Variants in CFAP61 observed in about 807,000 individuals in gnomAD.
CFAP61 encodes the protein cilia and flagella associated protein 61.
Under a neutral mutation model 135.6 loss-of-function variants are expected in CFAP61, and 107 were observed. The observed-to-expected ratio is 0.79, with a 90% CI of 0.67 to 0.93. The LOEUF is 0.93. CFAP61 is among the 40% of genes least tolerant of loss of function. The probability of loss-of-function intolerance (pLI) is 0.00; values close to 1 mark genes in which losing one functional copy is unlikely to be tolerated. For synonymous variants in CFAP61, 575 were observed against 578.5 expected (o/e 0.99, Z 0.09); for missense variants, 1,507 against 1,556.2 (o/e 0.97, Z 0.53).
chr20:20,084,035 G>C (rs1385565669), intron 6 of CFAP61, among the ~76,000 whole-genome samples: 1 of 152,090 alleles, frequency 6.6e-6, no homozygotes, highest in African/African-American at 2.4e-5. Flanking sequence ...GAAAAAGGGT[G>C]CTTGGTTTTG....
At chr20:20,314,442 A>G (rs963541010) in intron 25 of CFAP61, among the ~76,000 whole-genome samples, 1 of 151,024 alleles carries the variant, frequency 6.6e-6, no homozygotes, top group Non-Finnish European at 1.5e-5. Flanking sequence ...AAAAGAAACC[A>G]TAAACCATAG....
intron 25 of CFAP61, chr20:20,322,680 A>G (rs1602013334): frequency 1.0e-6 from 1 of 985,284 alleles, no homozygotes; most frequent in Non-Finnish European, 1.2e-6. Flanking sequence ...AACAGTTACC[A>G]AGAAATGGGA....
In CFAP61 at chr20:20,288,894, C is replaced by T. The variant is rs558308771; in HGVS notation, c.3082C>T (p.Leu1028Phe). ...LEPVTEPPAN[L>F]DRLIPMYKGA... is the part of the protein sequence containing the mutation. ...GCCTGTGACCGAGCCACCAGCTAATCTTGACCGGCTCATCCCCATGTACAA... is the reference window on the plus strand; with the variant it reads ...GCCTGTGACCGAGCCACCAGCTAATTTTGACCGGCTCATCCCCATGTACAA... The change falls in exon 23 of 27, where the codon CTT becomes TTT. Residue 1028 changes from leucine to phenylalanine, a missense_variant. Physicochemically the swap from Leu to Phe is conservative, Grantham distance 22. Coordinates refer to ENST00000245957, the MANE Select transcript of CFAP61 (RefSeq NM_015585.4). 4 of 1,613,072 alleles carry T rather than the reference C, an allele frequency of 2.5e-6. No individual in the cohort carries two copies.
chr20:20,145,158 C>A (rs1289495526), intron 9 of CFAP61, among the ~76,000 whole-genome samples: 4 of 152,142 alleles, frequency 2.6e-5, no homozygotes, highest in East Asian at 1.9e-4. Context: ...ATATTTATAT[C>A]TTTTTAAAAG....
At chr20:20,329,409 C>A (rs771005683) in intron 25 of CFAP61, among the ~76,000 whole-genome samples, 1 of 152,190 alleles carries the variant, frequency 6.6e-6, no homozygotes, top group Non-Finnish European at 1.5e-5. Context: ...GAGCCAGGGC[C>A]TGGGAATATC....
chr20:20,292,403 A>C (rs1450582307), intron 24 of CFAP61, among the ~76,000 whole-genome samples: 1 of 152,228 alleles, frequency 6.6e-6, no homozygotes, highest in Non-Finnish European at 1.5e-5. Context: ...TCTTATAATA[A>C]AGGAAACCAT....
intron 21 of CFAP61, among the ~76,000 whole-genome samples, chr20:20,272,095 A>T (rs2053402890): frequency 6.6e-6 from 1 of 152,242 alleles, no homozygotes; most frequent in African/African-American, 2.4e-5. Context: ...GAAAATTAAA[A>T]TTTAAATAAA....
intron 7 of CFAP61, among the ~76,000 whole-genome samples, chr20:20,096,485 T>C (rs541711154): frequency 1.3e-5 from 2 of 152,396 alleles, no homozygotes; most frequent in Non-Finnish European, 2.9e-5. Context: ...GCCATTAGTG[T>C]AATAGCTCAT....
chr20:20,334,349 ACTC>A (rs571063337), intron 25 of CFAP61, among the ~76,000 whole-genome samples: 130 of 151,942 alleles, frequency 8.6e-4, no homozygotes, highest in African/African-American at 3.0e-3. Flanking sequence ...CTGGTCTCGA[ACTC>A]CTGACCTCAA....
chr20:20,281,178 C>T (rs1381524225), intron 22 of CFAP61, among the ~76,000 whole-genome samples: 1 of 152,126 alleles, frequency 6.6e-6, no homozygotes, highest in Non-Finnish European at 1.5e-5. Context: ...GGTCCATAAA[C>T]ATGTCATGCA....
At chr20:20,346,202 A>G (rs1225446256) in intron 26 of CFAP61, among the ~76,000 whole-genome samples, 8 of 140,130 alleles carry the variant, frequency 5.7e-5, no homozygotes, top group Non-Finnish European at 9.3e-5. Context: ...CGCCCGGCCG[A>G]TTGTGCCACT....
intron 24 of CFAP61, among the ~76,000 whole-genome samples, chr20:20,296,173 C>G: frequency 1.3e-5 from 1 of 74,408 alleles, no homozygotes; most frequent in East Asian, 4.3e-4. Flanking sequence ...TTCCTTCCTT[C>G]CCTCCTTTCC....
intron 21 of CFAP61, among the ~76,000 whole-genome samples, chr20:20,270,719 A>G (rs1241403841): frequency 6.8e-6 from 1 of 148,080 alleles, no homozygotes; most frequent in Non-Finnish European, 1.5e-5. Flanking sequence ...TGTCTCTGTC[A>G]CCCCCCAGTG....
intron 1 of CFAP61, among the ~76,000 whole-genome samples, chr20:20,054,013 G>GTTTTT (rs1239349657): frequency 9.1e-4 from 54 of 59,034 alleles, no homozygotes; most frequent in Non-Finnish European, 1.2e-3. Flanking sequence ...TTTTTTGTTT[G>GTTTTT]TTTTTTTTTT....
chr20:20,085,462 G>A (rs766781323), intron 6 of CFAP61: 5 of 1,366,314 alleles, frequency 3.7e-6, no homozygotes, highest in Non-Finnish European at 4.9e-6. Context: ...TTTGGGAAAG[G>A]GCTTAAGAGA....
chr20:20,301,507 T>G (rs1476942732), intron 25 of CFAP61, among the ~76,000 whole-genome samples: 3 of 152,214 alleles, frequency 2.0e-5, no homozygotes, highest in Non-Finnish European at 2.9e-5. Context: ...ATGAGAGAGC[T>G]CCTCTTGCTC....
At chr20:20,163,909 C>A in intron 10 of CFAP61, 141 bp from the exon 11 acceptor site, 1 of 560,576 alleles carries the variant, frequency 1.8e-6, no homozygotes, top group Non-Finnish European at 3.0e-6. Context: ...AAAACCAGGC[C>A]TGGCCCAGGA....
chr20:20,226,675 G>A (rs577409125), intron 17 of CFAP61, among the ~76,000 whole-genome samples: 2 of 152,256 alleles, frequency 1.3e-5, no homozygotes, highest in South Asian at 2.1e-4. Context: ...CAGGTTTCAC[G>A]TTTACACCAC....
At chr20:20,171,924 C>T in intron 13 of CFAP61, 2 of 535,002 alleles carry the variant, frequency 3.7e-6, no homozygotes, top group Non-Finnish European at 6.8e-6. Flanking sequence ...CACATTGCAG[C>T]CCACAGGGAA....
Sources: allele counts gnomAD v4.1 joint callset (sites outside exome capture counted in the v4.1 genomes callset), GRCh38; gene constraint gnomAD v4.1.1; transcripts MANE v1.5; gene names NCBI Gene and HGNC (gene_info 2026-07-23, HGNC 2026-07-21).